The following RGS6 variants were observed in gnomAD, a reference collection of about 807,000 sequenced individuals.
RGS6 encodes regulator of G-protein signaling 6.
RGS6 carries 30 observed loss-of-function variants against 78.5 expected under a neutral mutation model. The ratio of observed to expected loss-of-function variants is 0.38; its 90% CI spans 0.29 to 0.52. The LOEUF (loss-of-function observed/expected upper bound fraction) is 0.52. RGS6 is among the 20% of genes least tolerant of loss of function. The pLI, the probability that RGS6 is intolerant of heterozygous loss-of-function variation, is 0.85. For synonymous variants in RGS6, 206 were observed against 206.0 expected (o/e 1.00, Z 0.00); for missense variants, 495 against 609.7 (o/e 0.81, Z 1.98).
At chr14:72,092,538 C>A (rs1030351187) in intron 2 of RGS6, among the ~76,000 whole-genome samples, 1 of 152,072 alleles carries the variant, frequency 6.6e-6, no homozygotes, top group Non-Finnish European at 1.5e-5. Flanking sequence ...CCTGCCACCA[C>A]GCCCAGCTAA....
At chr14:72,266,380 A>T (rs2059073821) in intron 2 of RGS6, among the ~76,000 whole-genome samples, 1 of 152,148 alleles carries the variant, frequency 6.6e-6, no homozygotes, top group Non-Finnish European at 1.5e-5. Flanking sequence ...GCCTGGGCCC[A>T]GGATCCTCTC....
chr14:72,512,742 CAGTCGTAAA>C (rs1247104252), intron 14 of RGS6, among the ~76,000 whole-genome samples: 47 of 152,354 alleles, frequency 3.1e-4, no homozygotes, highest in African/African-American at 1.1e-3. Context: ...GAGAGAAGCT[CAGTCGTAAA>C]TCACATAACT....
At chr14:71,939,453 G>A (rs889946607) in intron 1 of RGS6, among the ~76,000 whole-genome samples, 2 of 152,208 alleles carry the variant, frequency 1.3e-5, no homozygotes, top group African/African-American at 4.8e-5. Flanking sequence ...AGCAAAAAGT[G>A]ATCAAGGTCT....
chr14:72,017,479 A>G (rs1003819518), intron 2 of RGS6, among the ~76,000 whole-genome samples: 1 of 152,146 alleles, frequency 6.6e-6, no homozygotes, highest in African/African-American at 2.4e-5. Context: ...TTTTGTTAAT[A>G]AAGTTTTATT....
chr14:72,391,958 A>C lies in RGS6; in HGVS notation c.184+39764A>C, dbSNP rs747005601. On this transcript the variant is annotated intron_variant, in intron 3 of 17. Coordinates refer to ENST00000553525, the MANE Select transcript of RGS6 (RefSeq NM_001204424.2). ...CTTTTTTATGGCTGCATAGTATTCCATGGTGTATATGTGCCACATTTTCTT... is the reference window on the plus strand; with the variant it reads ...CTTTTTTATGGCTGCATAGTATTCCCTGGTGTATATGTGCCACATTTTCTT... Among the ~76,000 whole-genome samples, 3 of 152,160 alleles carry C rather than the reference A, an allele frequency of 2.0e-5. No individual in the cohort carries two copies. The East Asian group carries it at 5.8e-4, about 29-fold the overall frequency.
intron 2 of RGS6, among the ~76,000 whole-genome samples, chr14:72,062,608 AT>A (rs1384145325): frequency 6.6e-6 from 1 of 152,090 alleles, no homozygotes; most frequent in Non-Finnish European, 1.5e-5. Flanking sequence ...GGACTTTGTG[AT>A]TTGTTGTGGA....
chr14:72,409,637 A>G (rs2093240573), intron 3 of RGS6, among the ~76,000 whole-genome samples: 1 of 152,042 alleles, frequency 6.6e-6, no homozygotes, highest in African/African-American at 2.4e-5. Flanking sequence ...ATATGTATAC[A>G]TGGCCATGTT....
Position 72,224,830 on chromosome 14 carries a change from TCACAAAGTCAAGTAGCTCCA to T in RGS6, c.85-127263_85-127244del, listed in dbSNP as rs1216785480. Among the ~76,000 whole-genome samples the T allele has an allele frequency of 1.5e-4, 23 of 152,202 alleles. No homozygotes were observed. In the East Asian group the frequency reaches 4.4e-3, roughly 29 times the overall value. Reference sequence around the variant, plus strand: ...AGCCTAAACCACCCAGCCTGCTGCTTCACAAAGTCAAGTAGCTCCACCTATGACTCAGCCATAGCAAGCAG... The same window carrying T: ...AGCCTAAACCACCCAGCCTGCTGCTTCCTATGACTCAGCCATAGCAAGCAG... On this transcript the variant is annotated intron_variant, in intron 2 of 17. Transcript: ENST00000553525.
chr14:72,257,414 G>A (rs1349288499), intron 2 of RGS6, among the ~76,000 whole-genome samples: 2 of 152,092 alleles, frequency 1.3e-5, no homozygotes, highest in Admixed American at 6.6e-5. Flanking sequence ...CATTGCAGTC[G>A]TTTATCAGGT....
intron 2 of RGS6, among the ~76,000 whole-genome samples, chr14:72,336,424 T>G (rs1032555619): frequency 2.6e-5 from 4 of 152,102 alleles, no homozygotes; most frequent in African/African-American, 9.7e-5. Context: ...TGTGGCTTAC[T>G]GGAGATCAGA....
At chr14:72,281,883 G>A (rs1459704759) in intron 2 of RGS6, among the ~76,000 whole-genome samples, 1 of 152,130 alleles carries the variant, frequency 6.6e-6, no homozygotes, top group Non-Finnish European at 1.5e-5. Flanking sequence ...CCACAGTAAG[G>A]AATCTGAATT....
chr14:72,376,890 C>T (rs1235089846), intron 3 of RGS6, among the ~76,000 whole-genome samples: 1 of 151,910 alleles, frequency 6.6e-6, no homozygotes, highest in Non-Finnish European at 1.5e-5. Flanking sequence ...GCATGCAGAA[C>T]TATAAAACTT....
chr14:72,326,225 G>T (rs1446604101), intron 2 of RGS6, among the ~76,000 whole-genome samples: 3 of 152,152 alleles, frequency 2.0e-5, no homozygotes, highest in Admixed American at 1.3e-4. Flanking sequence ...CTATGTCCAC[G>T]AAGGATATAA....
chr14:72,354,437 C>T (rs1006976531), intron 3 of RGS6, among the ~76,000 whole-genome samples: 2 of 148,454 alleles, frequency 1.3e-5, no homozygotes, highest in Non-Finnish European at 3.0e-5. Context: ...AGCAGCCTGG[C>T]CAACATGGCA....
intron 2 of RGS6, among the ~76,000 whole-genome samples, chr14:72,156,598 T>C (rs913690549): frequency 2.6e-5 from 4 of 152,132 alleles, no homozygotes; most frequent in Non-Finnish European, 5.9e-5. Flanking sequence ...ATCAGGTTGA[T>C]GAGTGTCCAG....
chr14:72,376,797 A>T (rs1044140706), intron 3 of RGS6, among the ~76,000 whole-genome samples: 5 of 152,212 alleles, frequency 3.3e-5, no homozygotes, highest in Admixed American at 1.3e-4. Context: ...AAGAAAATTC[A>T]TCACCACTAG....
At chr14:72,453,602 C>A (rs927376799) in intron 3 of RGS6, among the ~76,000 whole-genome samples, 5 of 106,916 alleles carry the variant, frequency 4.7e-5, no homozygotes, top group South Asian at 3.3e-4. Context: ...GGCGACAGAG[C>A]GAGACTCCGT....
chr14:71,988,640 A>G (rs2094824757), intron 2 of RGS6, among the ~76,000 whole-genome samples: 1 of 152,054 alleles, frequency 6.6e-6, no homozygotes, highest in South Asian at 2.1e-4. Flanking sequence ...TAAAATATTT[A>G]CTAACTGGCT....
intron 12 of RGS6, among the ~76,000 whole-genome samples, chr14:72,487,101 T>C (rs1317586691): frequency 6.6e-6 from 1 of 152,060 alleles, no homozygotes; most frequent in Non-Finnish European, 1.5e-5. Context: ...AACTCCAAGA[T>C]GCACTTTGCT....
Sources: gnomAD v4.1 joint callset for allele counts (sites outside exome capture counted in the v4.1 genomes callset) on GRCh38, gnomAD v4.1.1 for gene constraint, MANE v1.5 for transcripts, NCBI Gene and HGNC (gene_info 2026-07-23, HGNC 2026-07-21) for gene names.